The following MCTP1 variants were observed in gnomAD, a reference collection of about 807,000 sequenced individuals.
MCTP1 encodes the protein multiple C2 and transmembrane domain containing 1.
Under a neutral mutation model 120.6 loss-of-function variants are expected in MCTP1, and 69 were observed. The ratio of observed to expected loss-of-function variants is 0.57; its 90% CI spans 0.47 to 0.70. MCTP1 has a LOEUF of 0.70. Ranked by LOEUF, MCTP1 falls within the 30% of genes least tolerant of loss-of-function variation. MCTP1 has a pLI of 0.00. For synonymous variants in MCTP1, 529 were observed against 493.1 expected, an observed-to-expected ratio of 1.07 and a Z score of -0.96; for missense variants, 1,203 against 1,248.8, an observed-to-expected ratio of 0.96 and a Z score of 0.55.
At chr5:94,953,547 A>T (rs1821177013) in intron 2 of MCTP1, among the ~76,000 whole-genome samples, 186 bp from the exon 3 acceptor site, 1 of 151,518 alleles carries the variant, frequency 6.6e-6, no homozygotes, top group African/African-American at 2.4e-5. Flanking sequence ...AATAATAATA[A>T]TTATTATTAC....
At chr5:95,269,848 C>A (rs1171975814) in intron 1 of MCTP1, among the ~76,000 whole-genome samples, 1 of 152,248 alleles carries the variant, frequency 6.6e-6, no homozygotes, top group Non-Finnish European at 1.5e-5. Flanking sequence ...GCAACTAACA[C>A]TATCTCTTTG....
intron 10 of MCTP1, among the ~76,000 whole-genome samples, chr5:94,906,003 G>A (rs1380675747): frequency 6.7e-6 from 1 of 148,910 alleles, no homozygotes; most frequent in Non-Finnish European, 1.5e-5. Flanking sequence ...GTCCTGGAAG[G>A]CAAGCGAAAA....
chr5:94,918,015 G>A, intron 7 of MCTP1, 42 bp from the exon 8 acceptor site: 1 of 1,493,736 alleles, frequency 6.7e-7, no homozygotes, highest in Non-Finnish European at 9.3e-7. Flanking sequence ...GGGAAGCTTT[G>A]TACCATTCTC....
chr5:94,910,132 G>GTATATA (rs200147336), intron 9 of MCTP1, among the ~76,000 whole-genome samples: 1 of 138,854 alleles, frequency 7.2e-6, no homozygotes, highest in Non-Finnish European at 1.6e-5. Context: ...ATGTATACAT[G>GTATATA]TATATATGTA....
chr5:95,148,906 T>C (rs1412189946), intron 1 of MCTP1, among the ~76,000 whole-genome samples: 1 of 152,210 alleles, frequency 6.6e-6, no homozygotes, highest in East Asian at 1.9e-4. Flanking sequence ...GCATCTTTAT[T>C]TGTGGCTGAA....
intron 17 of MCTP1, among the ~76,000 whole-genome samples, chr5:94,861,606 A>G (rs1163641286): frequency 6.6e-6 from 1 of 151,812 alleles, no homozygotes; most frequent in Non-Finnish European, 1.5e-5. Flanking sequence ...TTTCCTTTGC[A>G]AAGTACTTTA....
At chr5:94,885,316 CAG>C (rs1374573599) in intron 12 of MCTP1, among the ~76,000 whole-genome samples, 1 of 144,334 alleles carries the variant, frequency 6.9e-6, no homozygotes, top group Non-Finnish European at 1.5e-5. Context: ...AAAAAAAAAA[CAG>C]AGAGAAAGAG....
intron 1 of MCTP1, among the ~76,000 whole-genome samples, chr5:95,069,489 C>A (rs1751553296): frequency 6.7e-6 from 1 of 149,584 alleles, no homozygotes; most frequent in South Asian, 2.1e-4. Context: ...CAGAAATATG[C>A]TACATTTTGA....
Position 95,171,574 on chromosome 5 carries a change from G to A in MCTP1, c.720+112282C>T, listed in dbSNP as rs180947909. Among the ~76,000 whole-genome samples the A allele has an allele frequency of 8.0e-4, 121 of 152,128 alleles. 1 individual carries two copies. Among genetic ancestry groups the A allele is most frequent in the African/African-American group, 2.7e-3 (111 of 41,514 alleles). On this transcript the variant is annotated intron_variant, in intron 1 of 22. Transcript: ENST00000515393. ...AATCAGACGTAGATTTGGTCTTTTC[G>A]CATAGTCCCATATTTCTTGGAGGCT...
intron 17 of MCTP1, among the ~76,000 whole-genome samples, chr5:94,819,567 C>G (rs1785209993): frequency 6.6e-6 from 1 of 152,088 alleles, no homozygotes; most frequent in Non-Finnish European, 1.5e-5. Context: ...GGGTGGTTTC[C>G]AATCTTTGCA....
intron 12 of MCTP1, among the ~76,000 whole-genome samples, chr5:94,886,893 A>G (rs39988): frequency 0.25 from 37,350 of 152,112 alleles, 4,890 homozygotes; most frequent in Middle Eastern, 0.34. Flanking sequence ...GTGTATATAT[A>G]AAGTATCCTT....
At chr5:94,877,378 C>T (rs1028009221) in intron 12 of MCTP1, among the ~76,000 whole-genome samples, 1 of 151,844 alleles carries the variant, frequency 6.6e-6, no homozygotes, top group African/African-American at 2.4e-5. Flanking sequence ...ATACTAAGGG[C>T]TATTTTTTCC....
At chr5:95,209,531 C>T (rs149259078) in intron 1 of MCTP1, among the ~76,000 whole-genome samples, 25 of 152,256 alleles carry the variant, frequency 1.6e-4, no homozygotes, top group African/African-American at 5.3e-4. Context: ...TTCCATAGCA[C>T]AACTTTCAAT....
intron 17 of MCTP1, among the ~76,000 whole-genome samples, chr5:94,865,922 A>G (rs1053950361): frequency 6.6e-6 from 1 of 151,950 alleles, no homozygotes; most frequent in African/African-American, 2.4e-5. Flanking sequence ...CTTGACACAT[A>G]GTAAGTGCTT....
intron 1 of MCTP1, among the ~76,000 whole-genome samples, chr5:95,049,978 C>T (rs1210359000): frequency 6.6e-6 from 1 of 151,540 alleles, no homozygotes; most frequent in Non-Finnish European, 1.5e-5. Flanking sequence ...CTCTTTAGGC[C>T]CTCAGGGAGA....
rs200587600 is a variant in MCTP1 at position 94,969,649 on chromosome 5, T to G, written c.839-16288A>C. Among the ~76,000 whole-genome samples, 7 of 152,214 alleles carry G rather than the reference T, an allele frequency of 4.6e-5. No homozygotes were observed. In the East Asian group the frequency reaches 1.2e-3, roughly 25 times the overall value. On this transcript the variant is annotated intron_variant, in intron 2 of 22. Coordinates refer to ENST00000515393, the MANE Select transcript of MCTP1 (RefSeq NM_024717.7). ...GAAAAAAAGCAGTGAACACATATATTGTGGGGACAGTTAAAATTTAAGCTG... is the reference window on the plus strand; with the variant it reads ...GAAAAAAAGCAGTGAACACATATATGGTGGGGACAGTTAAAATTTAAGCTG...
intron 17 of MCTP1, among the ~76,000 whole-genome samples, chr5:94,858,421 C>T (rs1311912703): frequency 6.6e-6 from 1 of 151,630 alleles, no homozygotes; most frequent in East Asian, 1.9e-4. Context: ...AGGAATAACA[C>T]TAAGCAGGGT....
At chr5:95,123,039 T>C (rs1758355384) in intron 1 of MCTP1, among the ~76,000 whole-genome samples, 1 of 152,142 alleles carries the variant, frequency 6.6e-6, no homozygotes, top group African/African-American at 2.4e-5. Context: ...ATATAGTTAG[T>C]ATAAAACCTA....
At chr5:94,844,301 CAAAA>C (rs59169145) in intron 17 of MCTP1, among the ~76,000 whole-genome samples, 1 of 79,706 alleles carries the variant, frequency 1.3e-5, no homozygotes, top group Admixed American at 1.6e-4. Flanking sequence ...GACTCTGTCT[CAAAA>C]AAAAAAAAAA....
Sources: allele counts gnomAD v4.1 joint callset (sites outside exome capture counted in the v4.1 genomes callset), GRCh38; gene constraint gnomAD v4.1.1; transcripts MANE v1.5; gene names NCBI Gene and HGNC (gene_info 2026-07-23, HGNC 2026-07-21).